SEC11A: variants seen among roughly 807,000 people sequenced by gnomAD.
SEC11A encodes SEC11 homolog A, signal peptidase complex subunit, also known as signal peptidase complex catalytic subunit SEC11A.
Under a neutral mutation model 25.6 loss-of-function variants are expected in SEC11A, and 14 were observed. That is an observed-to-expected ratio of 0.55 (90% CI 0.36 to 0.85). The LOEUF (loss-of-function observed/expected upper bound fraction) is 0.85. Ranked by LOEUF, SEC11A falls within the 40% of genes least tolerant of loss-of-function variation. The pLI, the probability that SEC11A is intolerant of heterozygous loss-of-function variation, is 0.01. For synonymous variants in SEC11A, 83 were observed against 76.4 expected, an observed-to-expected ratio of 1.09 and a Z score of -0.45; for missense variants, 153 against 222.9, an observed-to-expected ratio of 0.69 and a Z score of 2.00.
At chr15:84,689,788 A>T (rs1321755111) in intron 2 of SEC11A, among the ~76,000 whole-genome samples, 1 of 151,862 alleles carries the variant, frequency 6.6e-6, no homozygotes, top group African/African-American at 2.4e-5. Context: ...TTGTATTTTT[A>T]GTAGAGATGG....
At chr15:84,684,513 G>A (rs1243336967) in intron 3 of SEC11A, among the ~76,000 whole-genome samples, 1 of 152,026 alleles carries the variant, frequency 6.6e-6, no homozygotes, top group Non-Finnish European at 1.5e-5. Flanking sequence ...AAATTACCCA[G>A]TCTCAGGTAT....
chr15:84,693,297 T>C (rs1897663718), intron 1 of SEC11A, among the ~76,000 whole-genome samples: 1 of 152,050 alleles, frequency 6.6e-6, no homozygotes, highest in Admixed American at 6.6e-5. Context: ...TGTTGTTTTT[T>C]TCTTCTCATT....
chr15:84,670,697 T>C (rs200845196), intron 5 of SEC11A, 28 bp downstream of exon 5: 1 of 1,195,318 alleles, frequency 8.4e-7, no homozygotes, highest in East Asian at 2.6e-5. Flanking sequence ...TTACATTTTT[T>C]AATAAAACAA....
At chr15:84,675,673 C>G (rs1301545477) in intron 4 of SEC11A, among the ~76,000 whole-genome samples, 1 of 152,148 alleles carries the variant, frequency 6.6e-6, no homozygotes, top group Non-Finnish European at 1.5e-5. Context: ...CATTTCTGTT[C>G]CCCGATCCTC....
intron 1 of SEC11A, among the ~76,000 whole-genome samples, chr15:84,694,175 C>T (rs992894110): frequency 2.6e-5 from 4 of 151,310 alleles, no homozygotes; most frequent in Non-Finnish European, 4.4e-5. Flanking sequence ...GCCAACATGG[C>T]GAAACCCCAT....
intron 3 of SEC11A, among the ~76,000 whole-genome samples, chr15:84,681,235 T>C (rs1166558343): frequency 6.6e-6 from 1 of 152,204 alleles, no homozygotes; most frequent in Non-Finnish European, 1.5e-5. Context: ...TCACAGGATA[T>C]AATTGGCAAG....
intron 4 of SEC11A, among the ~76,000 whole-genome samples, chr15:84,677,473 TTC>T (rs1897166648): frequency 6.6e-6 from 1 of 151,348 alleles, no homozygotes; most frequent in Admixed American, 6.6e-5. Context: ...TCTTTTCTTT[TTC>T]TTTTTTTTTT....
intron 3 of SEC11A, among the ~76,000 whole-genome samples, chr15:84,681,730 A>T (rs1035199029): frequency 3.9e-5 from 6 of 152,180 alleles, no homozygotes; most frequent in Non-Finnish European, 7.3e-5. Context: ...TGTTTAAGAA[A>T]GTTATGACAC....
chr15:84,714,427 C>A (rs1202441870), intron 1 of SEC11A, among the ~76,000 whole-genome samples: 3 of 152,336 alleles, frequency 2.0e-5, no homozygotes, highest in Admixed American at 6.5e-5. Context: ...TGAATTAACT[C>A]ATTTAATCTT....
chr15:84,714,827 C>T (rs1326871729), intron 1 of SEC11A: 1 of 152,134 alleles, frequency 6.6e-6, no homozygotes, highest in East Asian at 1.9e-4. Context: ...CCTTGAAGGC[C>T]GAGTCTTTCT....
chr15:84,693,314 T>C (rs1897664316), intron 1 of SEC11A, among the ~76,000 whole-genome samples: 1 of 151,148 alleles, frequency 6.6e-6, no homozygotes, highest in African/African-American at 2.4e-5. Context: ...CATTCAGTTC[T>C]AATAATGCAC....
At chr15:84,680,625 A>G (rs1426102461) in intron 4 of SEC11A, 88 bp downstream of exon 4, 5 of 1,311,642 alleles carry the variant, frequency 3.8e-6, no homozygotes, top group Non-Finnish European at 5.1e-6. Flanking sequence ...AAATCTCTAT[A>G]TTCAACTGTG....
At chr15:84,675,088 A>T (rs1897101484) in intron 4 of SEC11A, among the ~76,000 whole-genome samples, 1 of 152,222 alleles carries the variant, frequency 6.6e-6, no homozygotes, top group Admixed American at 6.5e-5. Flanking sequence ...AGTCATCTTA[A>T]ATTCAAACCA....
At chr15:84,675,698 C>G (rs748824081) in intron 4 of SEC11A, among the ~76,000 whole-genome samples, 6 of 152,192 alleles carry the variant, frequency 3.9e-5, no homozygotes, top group Non-Finnish European at 5.9e-5. Context: ...AATCTTTCAC[C>G]CTTTTCACCT....
At chr15:84,701,985 T>C (rs1013395179) in intron 1 of SEC11A, among the ~76,000 whole-genome samples, 17 of 150,246 alleles carry the variant, frequency 1.1e-4, no homozygotes, top group Admixed American at 3.3e-4. Flanking sequence ...GAGAATTGCT[T>C]GAACCCGGGA....
intron 4 of SEC11A, among the ~76,000 whole-genome samples, chr15:84,677,411 A>C (rs1242933427): frequency 6.6e-6 from 1 of 151,330 alleles, no homozygotes; most frequent in Non-Finnish European, 1.5e-5. Context: ...AAAATGGTCT[A>C]TAGTTTCTAT....
rs141114509 is a variant in SEC11A, at chr15:84,676,189, T to A, written c.431+4524A>T. Among the ~76,000 whole-genome samples, 1,416 of 152,292 alleles carry A rather than the reference T, an allele frequency of 9.3e-3. 20 individuals carry two copies. The highest frequency in any genetic ancestry group is 0.032 in the African/African-American group (1,317 of 41,554). ...AATTATATCTCAATAAAAGTTTTTT[T>A]AAATTATTTTAATTTAGAGCCTTAG... On this transcript the variant is annotated intron_variant, in intron 4 of 5. Coordinates refer to ENST00000268220, the MANE Select transcript of SEC11A (RefSeq NM_014300.4).
Position 84,694,813 on chromosome 15 carries a change from C to T in SEC11A, c.52-3169G>A, listed in dbSNP as rs180723695. Among the ~76,000 whole-genome samples, 8 of 151,904 alleles carry T rather than the reference C, an allele frequency of 5.3e-5. No individual in the cohort carries two copies. The East Asian group carries it at 7.8e-4, about 15-fold the overall frequency. ...TACAAAAAAAAATACAAAAAAAGGC[C>T]GAGTGCAGTGGCTCACGCCTGTAAT... is the stretch of plus-strand genomic sequence containing the variant. On this transcript the variant is annotated intron_variant, in intron 1 of 5. Coordinates refer to ENST00000268220, the MANE Select transcript of SEC11A (RefSeq NM_014300.4).
chr15:84,714,221 G>A (rs964512268), intron 1 of SEC11A, among the ~76,000 whole-genome samples: 9 of 151,874 alleles, frequency 5.9e-5, no homozygotes, highest in African/African-American at 2.2e-4. Context: ...TCACCATGTT[G>A]GCCAGGATGG....
Sources: allele counts gnomAD v4.1 joint callset (sites outside exome capture counted in the v4.1 genomes callset), GRCh38; gene constraint gnomAD v4.1.1; transcripts MANE v1.5; gene names NCBI Gene and HGNC (gene_info 2026-07-23, HGNC 2026-07-21).